CTNND1: variants seen among roughly 807,000 people sequenced by gnomAD.
CTNND1 encodes catenin delta 1, also known as catenin delta-1.
A neutral mutation model predicts 112.1 loss-of-function variants in CTNND1; 16 were observed. The ratio of observed to expected loss-of-function variants is 0.14; its 90% confidence interval spans 0.10 to 0.22. The LOEUF (loss-of-function observed/expected upper bound fraction) is 0.22. Among genes scored for constraint, CTNND1 ranks in the 10% least tolerant of loss-of-function variants. The pLI is 1.00. For missense variants in CTNND1, 1,008 were observed against 1,257.0 expected (o/e 0.80, Z 3.00); for synonymous variants, 420 against 446.5 (o/e 0.94, Z 0.75).
intron 12 of CTNND1, 32 bp from the exon 13 acceptor site, chr11:57,808,133 G>A: frequency 6.3e-7 from 1 of 1,597,844 alleles, no homozygotes; most frequent in Admixed American, 1.7e-5. Flanking sequence ...GTACTGATTA[G>A]CACCCTCTGC....
At chr11:57,803,855 T>A in intron 8 of CTNND1, 51 bp downstream of exon 8, 1 of 1,308,270 alleles carries the variant, frequency 7.6e-7, no homozygotes, top group Non-Finnish European at 1.0e-6. Context: ...AGGACTGACT[T>A]AAATTTCCTA....
At chr11:57,800,268 C>CT (rs200092523) in intron 6 of CTNND1, among the ~76,000 whole-genome samples, 120 of 142,180 alleles carry the variant, frequency 8.4e-4, no homozygotes, top group East Asian at 1.0e-3. Flanking sequence ...TAATCTTGAC[C>CT]TTTTTTTTTT....
At position 57,805,926 on chromosome 11, in the gene CTNND1, A is replaced by C; in HGVS notation, c.1767A>C (p.Gln589His). 1 of 1,613,786 alleles carries C rather than the reference A, an allele frequency of 6.2e-7. No individual in the cohort carries two copies. The highest frequency in any genetic ancestry group is 8.5e-7 in the Non-Finnish European group (1 of 1,179,788). The change falls in exon 10 of 21, where the codon CAA (glutamine) becomes CAC (histidine). Residue 589 changes from glutamine (Q) to histidine (H), a missense_variant. Physicochemically the swap from Gln to His is conservative, Grantham distance 24 (BLOSUM62 0). Transcript: ENST00000399050. The stretch of plus-strand genomic sequence containing the variant: ...GCCTTCTTCGGAACTTATCATATCA[A>C]GTTCACCGGGAGATCCCACAGGCAG... ...CVCLLRNLSY[Q>H]VHREIPQAER...
intron 1 of CTNND1, among the ~76,000 whole-genome samples, chr11:57,768,022 AG>A (rs1190411347): frequency 6.6e-6 from 1 of 151,600 alleles, no homozygotes; most frequent in East Asian, 1.9e-4. Context: ...TTAGTAGAGG[AG>A]GGGGTTTCAC....
intron 1 of CTNND1, among the ~76,000 whole-genome samples, chr11:57,779,560 T>C (rs2059357335): frequency 6.6e-6 from 1 of 152,320 alleles, no homozygotes. Context: ...TAGAGGCAGA[T>C]TGCTAACATA....
At position 57,801,814 on chromosome 11, in the gene CTNND1, T is replaced by C; in HGVS notation, c.1038T>C (p.Ser346=). ...WAPLAQHERG[S]LASLDSLRKG... ...CTTTGGCCCAGCATGAGCGAGGAAG[T>C]TTAGCAAGCTTGGATAGCCTGCGCA... Residue 346 remains serine (S), a synonymous_variant, in exon 7 of 21, where the codon AGT becomes AGC. Transcript: ENST00000399050. The C allele has an allele frequency of 6.2e-7, 1 of 1,613,982 alleles. No individual in the cohort carries two copies. The highest frequency in any genetic ancestry group is 8.5e-7 in the Non-Finnish European group (1 of 1,179,884).
intron 3 of CTNND1, chr11:57,793,111 A>C (rs551940868): frequency 1.2e-4 from 19 of 152,224 alleles, no homozygotes; most frequent in African/African-American, 4.3e-4. Flanking sequence ...CAGTAAAACC[A>C]CACCCTTCCT....
chr11:57,806,166 T>C, intron 10 of CTNND1, 131 bp downstream of exon 10: 1 of 1,244,642 alleles, frequency 8.0e-7, no homozygotes, highest in Non-Finnish European at 1.1e-6. Context: ...TTTGGTTTGC[T>C]GCTTTCCCTG....
At chr11:57,779,880 G>A (rs2059388930) in intron 1 of CTNND1, among the ~76,000 whole-genome samples, 1 of 151,978 alleles carries the variant, frequency 6.6e-6, no homozygotes, top group African/African-American at 2.4e-5. Flanking sequence ...AAAAGGGAAG[G>A]TAAATCTGAA....
Position 57,761,879 on chromosome 11 carries a change from GA to G in CTNND1, c.-446del, listed in dbSNP as rs1164486569. On this transcript the variant is annotated 5_prime_UTR_variant, in exon 1 of 21. Transcript: ENST00000399050. ...CATTTTAGGTGTTGGATCTGAGGGG[GA>G]AAAAAAAGAGAGAGGGAGAGAGAGA... is the stretch of plus-strand genomic sequence containing the variant. The G allele has an allele frequency of 1.9e-5, 19 of 984,502 alleles. No homozygotes were observed. The highest frequency in any genetic ancestry group is 1.1e-4 in the East Asian group (1 of 8,790). The allele number at this position is 984,502 out of a possible 1,614,324, so 61.0% of individuals were successfully genotyped here. A position where few individuals can be genotyped will look rare whatever the true frequency, so the allele number is the denominator to read the frequency against.
intron 7 of CTNND1, among the ~76,000 whole-genome samples, chr11:57,802,509 A>G (rs1393028140): frequency 6.6e-6 from 1 of 152,246 alleles, no homozygotes; most frequent in Non-Finnish European, 1.5e-5. Context: ...TGATTGGAGC[A>G]TGTGCTCTCT....
intron 4 of CTNND1, among the ~76,000 whole-genome samples, chr11:57,794,344 T>C (rs949833578): frequency 4.6e-5 from 7 of 152,220 alleles, no homozygotes; most frequent in African/African-American, 1.7e-4. Context: ...ACTGCGTTTC[T>C]TTTCTAGAGA....
intron 5 of CTNND1, 49 bp from the exon 6 acceptor site, chr11:57,796,407 AT>A: frequency 6.7e-7 from 1 of 1,487,774 alleles, no homozygotes. Context: ...AAAGAATTTA[AT>A]TGCTCACTTC....
In CTNND1 at chr11:57,819,438, T is replaced by C. The variant is rs1462101792; in HGVS notation, c.*3130T>C. 6.6e-6 allele frequency: 1 copy of C among 152,264 alleles called. No individual in the cohort carries two copies. The highest frequency in any genetic ancestry group is 2.4e-5 in the African/African-American group (1 of 41,474). The allele number at this position is 152,264 out of a possible 1,614,324, so 9.4% of individuals were successfully genotyped here. ...TCAGCAACACTTTATTTCCCTGTTA[T>C]GTTCTTATCCTTTGGCATTGAGCTA... On this transcript the variant is annotated 3_prime_UTR_variant, in exon 21 of 21. Coordinates refer to ENST00000399050, the MANE Select transcript of CTNND1 (RefSeq NM_001085458.2).
chr11:57,792,437 G>A (rs140675385), intron 3 of CTNND1, among the ~76,000 whole-genome samples: 48 of 152,310 alleles, frequency 3.2e-4, no homozygotes, highest in African/African-American at 1.0e-3. Context: ...GCGTGTGTGC[G>A]CGCGCACTCG....
intron 17 of CTNND1, among the ~76,000 whole-genome samples, chr11:57,813,463 A>G (rs570218028): frequency 5.6e-4 from 86 of 152,266 alleles, no homozygotes; most frequent in Non-Finnish European, 8.1e-4. Flanking sequence ...GTATTTTGCA[A>G]GTGACAAATA....
chr11:57,814,849 C>T (rs546226072), intron 18 of CTNND1, among the ~76,000 whole-genome samples: 5 of 152,238 alleles, frequency 3.3e-5, no homozygotes, highest in South Asian at 2.1e-4. Context: ...TCCTTCCTAA[C>T]GATTGCAGCA....
intron 17 of CTNND1, among the ~76,000 whole-genome samples, chr11:57,812,218 C>G (rs1034015200): frequency 2.0e-5 from 3 of 152,136 alleles, no homozygotes; most frequent in Non-Finnish European, 4.4e-5. Context: ...TTTCACTTAA[C>G]TGGAGAAGAA....
chr11:57,814,187 C>A, intron 17 of CTNND1, 124 bp from the exon 18 acceptor site: 1 of 688,322 alleles, frequency 1.5e-6, no homozygotes, highest in Non-Finnish European at 2.6e-6. Flanking sequence ...TTGTGATGCA[C>A]ATAGTTGGTG....
Sources: allele counts gnomAD v4.1 joint callset (sites outside exome capture counted in the v4.1 genomes callset), GRCh38; gene constraint gnomAD v4.1.1; transcripts MANE v1.5; gene names NCBI Gene and HGNC (gene_info 2026-07-23, HGNC 2026-07-21).